PTBP2: variants seen among roughly 807,000 people sequenced by gnomAD.
PTBP2 encodes polypyrimidine tract binding protein 2.
A neutral mutation model predicts 61.4 loss-of-function variants in PTBP2; 13 were observed. The observed-to-expected ratio is 0.21, with a 90% CI of 0.14 to 0.34. PTBP2 has a LOEUF of 0.34. Among genes scored for constraint, PTBP2 ranks in the 10% least tolerant of loss-of-function variants. PTBP2 has a pLI of 1.00. For missense variants in PTBP2, 405 were observed against 642.6 expected (o/e 0.63, Z 4.00); for synonymous variants, 215 against 218.5 (o/e 0.98, Z 0.14).
At chr1:96,776,612 T>C (rs1658074717) in intron 5 of PTBP2, among the ~76,000 whole-genome samples, 1 of 151,972 alleles carries the variant, frequency 6.6e-6, no homozygotes, top group African/African-American at 2.4e-5. Flanking sequence ...TGTAAACCTA[T>C]GTATAGGTAT....
intron 2 of PTBP2, among the ~76,000 whole-genome samples, chr1:96,729,569 G>A (rs1490185070): frequency 1.3e-5 from 2 of 151,966 alleles, no homozygotes; most frequent in African/African-American, 2.4e-5. Flanking sequence ...TTGTTTTGTC[G>A]GGAGGTTTTA....
At chr1:96,722,130 G>A (rs1469668257) in intron 1 of PTBP2, among the ~76,000 whole-genome samples, 3 of 152,138 alleles carry the variant, frequency 2.0e-5, no homozygotes, top group African/African-American at 7.2e-5. Context: ...GAGTGGGAGC[G>A]GGCACCGGCT....
intron 3 of PTBP2, among the ~76,000 whole-genome samples, chr1:96,755,962 A>G (rs1393166514): frequency 6.6e-6 from 1 of 152,324 alleles, no homozygotes; most frequent in African/African-American, 2.4e-5. Flanking sequence ...TTAAATACAT[A>G]TACACATCCT....
intron 5 of PTBP2, among the ~76,000 whole-genome samples, chr1:96,776,466 T>G (rs533162001): frequency 1.3e-5 from 2 of 152,152 alleles, no homozygotes; most frequent in African/African-American, 4.8e-5. Flanking sequence ...TGTTTAGATA[T>G]ATATCTGGAC....
chr1:96,777,666 G>A lies in PTBP2; in HGVS notation c.514G>A (p.Ala172Thr). The A allele has an allele frequency of 1.2e-6, 2 of 1,613,370 alleles. No individual in the cohort carries two copies. Among genetic ancestry groups the A allele is most frequent in the South Asian group, 1.1e-5 (1 of 91,050 alleles). ...TAGTGGCACCACAGTTAGCGAGAGT[G>A]CAGTGACTCCAGCCCAGAGTCCAGT... ...PLSGTTVSES[A>T]VTPAQSPVLR... Residue 172 changes from alanine (A) to threonine (T), a missense_variant, in exon 6 of 14, where the codon GCA becomes ACA. Ala to Thr is a moderately conservative substitution (Grantham distance 58). Transcript: ENST00000674951.
intron 7 of PTBP2, 97 bp downstream of exon 7, chr1:96,778,043 A>G (rs1457884323): frequency 3.6e-5 from 17 of 475,066 alleles, no homozygotes; most frequent in Non-Finnish European, 6.0e-5. Flanking sequence ...ATCTTGTAGC[A>G]TTACAGATAG....
intron 2 of PTBP2, among the ~76,000 whole-genome samples, chr1:96,737,967 G>T (rs1652458177): frequency 6.6e-6 from 1 of 151,902 alleles, no homozygotes; most frequent in Non-Finnish European, 1.5e-5. Context: ...ATCTTCATTT[G>T]TGATGAACTT....
At chr1:96,771,213 A>G (rs1657344308) in intron 5 of PTBP2, 1 of 155,624 alleles carries the variant, frequency 6.4e-6, no homozygotes. Flanking sequence ...TTTCTTACGG[A>G]AAATTTTTTT....
intron 5 of PTBP2, among the ~76,000 whole-genome samples, chr1:96,776,871 A>T (rs1284798631): frequency 2.0e-5 from 3 of 151,868 alleles, no homozygotes; most frequent in African/African-American, 7.2e-5. Context: ...CAGAAATTTG[A>T]TGTGTCCTGC....
At chr1:96,787,476 A>AGAAAAAG (rs1659337846) in intron 8 of PTBP2, among the ~76,000 whole-genome samples, 1 of 152,198 alleles carries the variant, frequency 6.6e-6, no homozygotes. Context: ...CTGCCTCATA[A>AGAAAAAG]GAAAAAGGAA....
At chr1:96,752,004 C>T (rs1654608679) in intron 3 of PTBP2, among the ~76,000 whole-genome samples, 1 of 151,742 alleles carries the variant, frequency 6.6e-6, no homozygotes, top group Admixed American at 6.6e-5. Context: ...ATGTTGTCTA[C>T]CTGCATATTT....
intron 7 of PTBP2, among the ~76,000 whole-genome samples, chr1:96,780,722 A>T (rs770594687): frequency 1.3e-5 from 2 of 151,908 alleles, no homozygotes; most frequent in Admixed American, 6.6e-5. Flanking sequence ...CTTATGATTC[A>T]GACAGAGTTC....
At chr1:96,755,566 T>C (rs1236883465) in intron 3 of PTBP2, among the ~76,000 whole-genome samples, 1 of 152,192 alleles carries the variant, frequency 6.6e-6, no homozygotes, top group Non-Finnish European at 1.5e-5. Flanking sequence ...CACCAAAATG[T>C]GAAACAAACA....
chr1:96,792,461 T>A (rs1236697423), intron 8 of PTBP2, among the ~76,000 whole-genome samples: 1 of 152,326 alleles, frequency 6.6e-6, no homozygotes, highest in Non-Finnish European at 1.5e-5. Context: ...AAGTCCGTAC[T>A]CCTGACTAAT....
downstream of PTBP2, chr1:96,819,501 T>C (rs1662604386): frequency 6.6e-6 from 1 of 152,040 alleles, no homozygotes; most frequent in South Asian, 2.1e-4. Context: ...TTCTCTGTTT[T>C]TCTTCCATCA....
chr1:96,804,297 A>C (rs1661302803), intron 8 of PTBP2, among the ~76,000 whole-genome samples: 1 of 152,206 alleles, frequency 6.6e-6, no homozygotes, highest in Admixed American at 6.5e-5. Context: ...TGATGTTCAG[A>C]GTGATTTGTC....
At chr1:96,806,714 T>C (rs1246348568) in intron 10 of PTBP2, 152 bp from the exon 11 acceptor site, 2 of 687,920 alleles carry the variant, frequency 2.9e-6, no homozygotes, top group Non-Finnish European at 2.5e-6. Flanking sequence ...TTCAAAATCT[T>C]GATCTTCTTT....
intron 8 of PTBP2, among the ~76,000 whole-genome samples, chr1:96,799,512 G>A (rs1485139094): frequency 6.6e-6 from 1 of 151,638 alleles, no homozygotes; most frequent in Non-Finnish European, 1.5e-5. Flanking sequence ...TAGCCAGGAT[G>A]GTCTCGATCT....
intron 7 of PTBP2, among the ~76,000 whole-genome samples, chr1:96,778,350 C>T (rs1231575326): frequency 6.6e-6 from 1 of 150,820 alleles, no homozygotes; most frequent in Non-Finnish European, 1.5e-5. Flanking sequence ...ATGATAGGCT[C>T]TCAGTTTATT....
Sources: gnomAD v4.1 joint callset for allele counts (sites outside exome capture counted in the v4.1 genomes callset) on GRCh38, gnomAD v4.1.1 for gene constraint, MANE v1.5 for transcripts, NCBI Gene and HGNC (gene_info 2026-07-23, HGNC 2026-07-21) for gene names.